Variants in PRC1 observed in about 807,000 individuals in gnomAD.
PRC1 encodes the protein anaphase spindle elongation 1 homolog.
A neutral mutation model predicts 91.2 loss-of-function variants in PRC1; 54 were observed. That is an observed-to-expected ratio of 0.59 (90% CI 0.48 to 0.74). PRC1 has a LOEUF of 0.74. Among genes scored for constraint, PRC1 ranks in the 30% least tolerant of loss-of-function variants. The probability of loss-of-function intolerance (pLI) is 0.00; values close to 1 mark genes in which losing one functional copy is unlikely to be tolerated. For synonymous variants in PRC1, 275 were observed against 263.6 expected (o/e 1.04, Z -0.42); for missense variants, 727 against 746.2 (o/e 0.97, Z 0.30).
In PRC1 at chr15:90,978,058, C is replaced by T. The variant is rs561887105; in HGVS notation, c.1107+1100G>A. 1.6e-4 allele frequency among the ~76,000 whole-genome samples: 24 copies of T among 152,320 alleles called. No homozygotes were observed. The South Asian group carries it at 4.8e-3, about 30-fold the overall frequency. On this transcript the variant is annotated intron_variant, in intron 8 of 14. Transcript: ENST00000394249. ...GTTGAATTCAGATTCTCTGAAGGCCCTCTGAGCTCTAACAGGGCCAGCATG... is the reference window on the plus strand; with the variant it reads ...GTTGAATTCAGATTCTCTGAAGGCCTTCTGAGCTCTAACAGGGCCAGCATG...
intron 14 of PRC1, 140 bp downstream of exon 14, chr15:90,968,939 T>C (rs79499522): frequency 1.3e-6 from 2 of 1,490,024 alleles, no homozygotes; most frequent in Non-Finnish European, 1.8e-6. Flanking sequence ...ATGTGTTTTT[T>C]TGAGTCCATG....
rs180837738 is a variant in PRC1, at chr15:90,983,354, T to C, written c.267+664A>G. Among the ~76,000 whole-genome samples, 187 of 152,210 alleles carry C rather than the reference T, an allele frequency of 1.2e-3. 1 individual carries two copies. The highest frequency in any genetic ancestry group is 2.0e-3 in the Non-Finnish European group (135 of 68,030). On this transcript the variant is annotated intron_variant, in intron 3 of 14. Coordinates refer to ENST00000394249, the MANE Select transcript of PRC1 (RefSeq NM_003981.4). ...TCCACATCTGTCCTAATTTTTATGA[T>C]CCTGGCACTATTTTTACTGGTTCTA... is the stretch of plus-strand genomic sequence containing the variant.
chr15:90,981,814 G>C lies in PRC1; in HGVS notation c.435C>G (p.Ala145=), dbSNP rs1212915741. 4 of 1,614,116 alleles carry C rather than the reference G, an allele frequency of 2.5e-6. No individual in the cohort carries two copies. ...LCMPHYDIDS[A]SVPSLEELNQ... ...TCAGCTCTTCTAAGCTGGGCACTGAGGCACTGTCAATATCATAGTGGGGCA... is the reference window on the plus strand; with the variant it reads ...TCAGCTCTTCTAAGCTGGGCACTGACGCACTGTCAATATCATAGTGGGGCA... Residue 145 remains alanine, a synonymous_variant, in exon 4 of 15, where the codon GCC becomes GCG. Coordinates refer to ENST00000394249, the MANE Select transcript of PRC1 (RefSeq NM_003981.4).
chr15:90,977,652 T>C (rs1163314842), intron 8 of PRC1, among the ~76,000 whole-genome samples: 1 of 149,778 alleles, frequency 6.7e-6, no homozygotes, highest in Admixed American at 6.7e-5. Flanking sequence ...GGTGCGATCT[T>C]GGCTCACTGC....
chr15:90,982,187 C>G (rs958190691), intron 3 of PRC1: 2 of 587,260 alleles, frequency 3.4e-6, no homozygotes, highest in African/African-American at 3.7e-5. Context: ...GTACTTTTCC[C>G]CCCAATTTTA....
intron 12 of PRC1, 30 bp from the exon 13 acceptor site, chr15:90,969,653 C>T (rs1221459321): frequency 1.3e-6 from 2 of 1,558,138 alleles, no homozygotes; most frequent in Non-Finnish European, 1.7e-6. Context: ...ATCCATGTAT[C>T]ATCCTTCTAA....
At chr15:90,981,423 G>C (rs746638662) in intron 5 of PRC1, 76 bp downstream of exon 5, 1 of 1,504,084 alleles carries the variant, frequency 6.6e-7, no homozygotes, top group Non-Finnish European at 9.2e-7. Context: ...ATTTAAGACT[G>C]AAGAAACAGC....
intron 14 of PRC1, chr15:90,967,833 T>C: frequency 2.0e-6 from 2 of 985,006 alleles, no homozygotes; most frequent in Non-Finnish European, 2.4e-6. Context: ...AAGCGAGGCA[T>C]GACTCTACTT....
chr15:90,988,995 T>C (rs1310722340), intron 1 of PRC1, among the ~76,000 whole-genome samples: 1 of 152,006 alleles, frequency 6.6e-6, no homozygotes, highest in Non-Finnish European at 1.5e-5. Flanking sequence ...TCTAGCACAA[T>C]GGGCAAAGAA....
intron 6 of PRC1, 100 bp from the exon 7 acceptor site, chr15:90,980,489 C>A: frequency 3.5e-6 from 4 of 1,147,604 alleles, no homozygotes; most frequent in Non-Finnish European, 4.9e-6. Context: ...AATGCAAAGC[C>A]ACAAAGGTAT....
intron 14 of PRC1, chr15:90,968,825 T>TTTAAA (rs1246874151): frequency 2.3e-6 from 3 of 1,296,910 alleles, no homozygotes; most frequent in African/African-American, 3.0e-5. Flanking sequence ...GGGTCAAGGT[T>TTTAAA]TTCTGTTAAA....
chr15:90,978,089 G>A (rs529085296), intron 8 of PRC1, among the ~76,000 whole-genome samples: 3 of 152,276 alleles, frequency 2.0e-5, no homozygotes, highest in South Asian at 2.1e-4. Flanking sequence ...GCATGAACCC[G>A]AGAACAAGGT....
At position 90,981,039 on chromosome 15, in the gene PRC1, G is replaced by A. The variant is rs1004888334; in HGVS notation, c.673-6C>T. ...TGTGATTTCTGCATTTCCAGCTACA[G>A]CATAGAAAGCCAGTGTCACTCACGG... On this transcript the variant is annotated splice_region_variant and splice_polypyrimidine_tract_variant and intron_variant, in intron 5 of 14. Coordinates refer to ENST00000394249, the MANE Select transcript of PRC1 (RefSeq NM_003981.4). The A allele has an allele frequency of 1.2e-6, 2 of 1,613,960 alleles. No homozygotes were observed. The highest frequency in any genetic ancestry group is 1.7e-6 in the Non-Finnish European group (2 of 1,180,002).
chr15:90,975,446 CA>C (rs2038595661), intron 9 of PRC1, among the ~76,000 whole-genome samples: 1 of 152,116 alleles, frequency 6.6e-6, no homozygotes, highest in South Asian at 2.1e-4. Context: ...ATACCGACCT[CA>C]TAAGGATGTT....
intron 1 of PRC1, among the ~76,000 whole-genome samples, chr15:90,989,179 A>G (rs1243813064): frequency 1.3e-5 from 2 of 152,144 alleles, no homozygotes; most frequent in East Asian, 3.8e-4. Context: ...GAGGAACTAG[A>G]ACCCTCAGAC....
At chr15:90,991,658 T>C (rs1371808885) in intron 1 of PRC1, among the ~76,000 whole-genome samples, 1 of 152,068 alleles carries the variant, frequency 6.6e-6, no homozygotes, top group African/African-American at 2.4e-5. Flanking sequence ...TTGACACTTC[T>C]TTCTTATATG....
intron 11 of PRC1, among the ~76,000 whole-genome samples, chr15:90,972,644 C>T (rs1029589486): frequency 6.6e-6 from 1 of 151,590 alleles, no homozygotes; most frequent in African/African-American, 2.4e-5. Flanking sequence ...GAGGCTGAGG[C>T]AGGAGAATTG....
chr15:90,981,916 T>C lies in PRC1; in HGVS notation c.333A>G (p.Arg111=), dbSNP rs778652579. The C allele has an allele frequency of 1.2e-6, 2 of 1,614,242 alleles. No homozygotes were observed. Among genetic ancestry groups the C allele is most frequent in the Admixed American group, 1.7e-5 (1 of 60,020 alleles). Reference sequence around the variant, plus strand: ...CCTGTTTTCTCTCCTTTTTCTGTTTTCGCATCAATTCCACTTGGGTGCGCA... The same window carrying C: ...CCTGTTTTCTCTCCTTTTTCTGTTTCCGCATCAATTCCACTTGGGTGCGCA... The part of the protein sequence containing the change: ...KDLRTQVELM[R]KQKKERKQEL... The change falls in exon 4 of 15, where the codon CGA becomes CGG. Residue 111 remains arginine (R), a synonymous_variant. Coordinates refer to ENST00000394249, the MANE Select transcript of PRC1 (RefSeq NM_003981.4).
intron 14 of PRC1, chr15:90,967,500 C>T (rs1431058377): frequency 3.0e-6 from 1 of 332,636 alleles, no homozygotes; most frequent in East Asian, 5.9e-5. Flanking sequence ...AATGATGTTT[C>T]AGTTAACGAC....
Sources: gnomAD v4.1 joint callset for allele counts (sites outside exome capture counted in the v4.1 genomes callset) on GRCh38, gnomAD v4.1.1 for gene constraint, MANE v1.5 for transcripts, NCBI Gene and HGNC (gene_info 2026-07-23, HGNC 2026-07-21) for gene names.